The following FAT3 variants were observed in gnomAD, a reference collection of about 807,000 sequenced individuals.
The protein encoded by FAT3 is protocadherin Fat 3.
Under a neutral mutation model 310.2 loss-of-function variants are expected in FAT3, and 95 were observed. The observed-to-expected ratio is 0.31, with a 90% confidence interval of 0.26 to 0.36. The LOEUF (loss-of-function observed/expected upper bound fraction) is 0.36. Ranked by LOEUF, FAT3 falls within the 10% of genes least tolerant of loss-of-function variation. The pLI, the probability that FAT3 is intolerant of heterozygous loss-of-function variation, is 1.00. For synonymous variants in FAT3, 2,314 were observed against 2,192.9 expected (o/e 1.06, Z -1.54); for missense variants, 5,408 against 5,715.6 (o/e 0.95, Z 1.74).
intron 13 of FAT3, among the ~76,000 whole-genome samples, chr11:92,830,662 C>G (rs1054561035): frequency 6.6e-6 from 1 of 152,096 alleles, no homozygotes; most frequent in Admixed American, 6.6e-5. Context: ...AAATGCACAT[C>G]TCACACTTAA....
intron 2 of FAT3, among the ~76,000 whole-genome samples, chr11:92,469,133 A>C (rs1951845403): frequency 6.6e-6 from 1 of 152,156 alleles, no homozygotes; most frequent in South Asian, 2.1e-4. Context: ...TATGTTACTG[A>C]TGATTAAAAA....
intron 19 of FAT3, among the ~76,000 whole-genome samples, chr11:92,848,411 A>G (rs532067189): frequency 6.6e-6 from 1 of 152,320 alleles, no homozygotes; most frequent in African/African-American, 2.4e-5. Context: ...ACTGACACCA[A>G]CTTAAATTAA....
At chr11:92,695,267 C>G (rs1487061351) in intron 3 of FAT3, among the ~76,000 whole-genome samples, 1 of 152,200 alleles carries the variant, frequency 6.6e-6, no homozygotes, top group Non-Finnish European at 1.5e-5. Flanking sequence ...AGGACCGTCA[C>G]AGGCCTCACC....
chr11:92,877,046 T>C (rs1021645540), intron 22 of FAT3, among the ~76,000 whole-genome samples: 1 of 152,160 alleles, frequency 6.6e-6, no homozygotes, highest in Non-Finnish European at 1.5e-5. Context: ...GGAATTAAAG[T>C]TATTTTTAAA....
intron 19 of FAT3, among the ~76,000 whole-genome samples, chr11:92,847,000 G>A (rs572513697): frequency 4.6e-5 from 7 of 152,176 alleles, no homozygotes; most frequent in Non-Finnish European, 8.8e-5. Context: ...CTTGCCCAGG[G>A]CCATACAGCT....
chr11:92,414,497 T>A (rs1447238169), intron 2 of FAT3, among the ~76,000 whole-genome samples: 1 of 152,262 alleles, frequency 6.6e-6, no homozygotes, highest in Non-Finnish European at 1.5e-5. Context: ...ATGTAGTTAC[T>A]TTTGTAAAAT....
At chr11:92,377,718 G>A (rs995904283) in intron 2 of FAT3, among the ~76,000 whole-genome samples, 1 of 152,062 alleles carries the variant, frequency 6.6e-6, no homozygotes, top group African/African-American at 2.4e-5. Flanking sequence ...TGCACTATTG[G>A]GTCCTGTGTC....
intron 1 of FAT3, among the ~76,000 whole-genome samples, chr11:92,304,601 T>C (rs1164084495): frequency 1.3e-5 from 2 of 152,088 alleles, no homozygotes; most frequent in East Asian, 1.9e-4. Context: ...TGTCAGTTGT[T>C]TGTAGATGTG....
At chr11:92,750,796 T>C (rs552360387) in intron 4 of FAT3, among the ~76,000 whole-genome samples, 1 of 152,322 alleles carries the variant, frequency 6.6e-6, no homozygotes, top group Admixed American at 6.5e-5. Context: ...AATGGCCTCT[T>C]ATACATTTTA....
chr11:92,832,549 A>G (rs931223267), intron 14 of FAT3, among the ~76,000 whole-genome samples: 2 of 152,070 alleles, frequency 1.3e-5, no homozygotes, highest in Non-Finnish European at 2.9e-5. Flanking sequence ...TTGTGGGCTT[A>G]CTTAGCAAAT....
rs1056060542 is a variant in FAT3, at chr11:92,869,324, G to A, written c.12127+2115G>A. The stretch of plus-strand genomic sequence containing the variant: ...TGGGTTCTTATCTCAGTAGACACCC[G>A]GACGTGTCCCAGGTGGGGAAATTTG... On this transcript the variant is annotated intron_variant, in intron 22 of 27. Transcript: ENST00000525166. Among the ~76,000 whole-genome samples, 5 of 152,308 alleles carry A rather than the reference G, an allele frequency of 3.3e-5. No homozygotes were observed. In the East Asian group the frequency reaches 9.7e-4, roughly 29 times the overall value.
intron 2 of FAT3, among the ~76,000 whole-genome samples, chr11:92,448,804 A>T (rs1951282400): frequency 6.6e-6 from 1 of 152,156 alleles, no homozygotes; most frequent in Non-Finnish European, 1.5e-5. Flanking sequence ...TAGGGATTTA[A>T]CTTGTCACTA....
At chr11:92,830,850 G>T (rs1054356401) in intron 13 of FAT3, among the ~76,000 whole-genome samples, 1 of 151,864 alleles carries the variant, frequency 6.6e-6, no homozygotes, top group African/African-American at 2.4e-5. Context: ...AAACACTCTC[G>T]CCACCTCCAA....
intron 4 of FAT3, among the ~76,000 whole-genome samples, chr11:92,710,248 T>C (rs1182525170): frequency 2.0e-5 from 3 of 152,168 alleles, no homozygotes; most frequent in East Asian, 3.9e-4. Context: ...TTCCCCATAT[T>C]GAGAGAGGCT....
chr11:92,504,946 G>A lies in FAT3; in HGVS notation c.3293-19688G>A, dbSNP rs375280259. On this transcript the variant is annotated intron_variant, in intron 2 of 27. Coordinates refer to ENST00000525166, the MANE Select transcript of FAT3 (RefSeq NM_001367949.2). ...ATGTCTGTTTTGGAATTAATGACAT[G>A]ACTTCATAAAGAAGGAAGTGTTCAG... 8.5e-5 allele frequency among the ~76,000 whole-genome samples: 13 copies of A among 152,222 alleles called. No homozygotes were observed. The East Asian group carries it at 2.3e-3, about 27-fold the overall frequency.
intron 2 of FAT3, among the ~76,000 whole-genome samples, chr11:92,503,799 G>T (rs560129010): frequency 1.3e-4 from 20 of 152,002 alleles, no homozygotes; most frequent in African/African-American, 4.6e-4. Flanking sequence ...AAAAAATAAT[G>T]CACACTTGTT....
intron 1 of FAT3, among the ~76,000 whole-genome samples, chr11:92,317,879 A>AT (rs767188283): frequency 5.9e-5 from 9 of 151,896 alleles, no homozygotes; most frequent in Non-Finnish European, 1.3e-4. Context: ...AATAGTCGTT[A>AT]TTTTTTTGTT....
At position 92,801,877 on chromosome 11, in the gene FAT3, A is replaced by C; in HGVS notation, c.8864A>C (p.Asp2955Ala). Residue 2955 changes from aspartate (D) to alanine (A), a missense_variant, in exon 10 of 28, where the codon GAC becomes GCC. Physicochemically the swap from Asp to Ala is moderately radical, Grantham distance 126. Transcript: ENST00000525166. ...VLSTWDRDTS[D>A]VNRQVSYHIT... Reference sequence around the variant, plus strand: ...AGCACCTGGGACAGAGACACATCCGACGTTAATCGCCAAGTGAGCTACCAT... The same window carrying C: ...AGCACCTGGGACAGAGACACATCCGCCGTTAATCGCCAAGTGAGCTACCAT... 1 of 1,613,888 alleles carries C rather than the reference A, an allele frequency of 6.2e-7. No homozygotes were observed. Among genetic ancestry groups the C allele is most frequent in the Non-Finnish European group, 8.5e-7 (1 of 1,179,802 alleles).
chr11:92,375,614 C>A (rs1426956812), intron 2 of FAT3, among the ~76,000 whole-genome samples: 1 of 151,986 alleles, frequency 6.6e-6, no homozygotes, highest in African/African-American at 2.4e-5. Flanking sequence ...TTGTTCAAGG[C>A]TGTCTTGATA....
Sources: allele counts gnomAD v4.1 joint callset (sites outside exome capture counted in the v4.1 genomes callset), GRCh38; gene constraint gnomAD v4.1.1; transcripts MANE v1.5; gene names NCBI Gene and HGNC (gene_info 2026-07-23, HGNC 2026-07-21).